USP24: variants seen among roughly 807,000 people sequenced by gnomAD.
USP24 encodes ubiquitin carboxyl-terminal hydrolase 24.
Under a neutral mutation model 361.6 loss-of-function variants are expected in USP24, and 97 were observed. That is an observed-to-expected ratio of 0.27 (90% CI 0.23 to 0.32). The LOEUF is 0.32. Ranked by LOEUF, USP24 falls within the 10% of genes least tolerant of loss-of-function variation. The probability of loss-of-function intolerance (pLI) is 1.00; values close to 1 mark genes in which losing one functional copy is unlikely to be tolerated. For missense variants in USP24, 2,353 were observed against 3,165.6 expected (o/e 0.74, Z 6.16); for synonymous variants, 1,098 against 1,124.6 (o/e 0.98, Z 0.47).
At position 55,125,306 on chromosome 1, in the gene USP24, C is replaced by T. The variant is rs1310223768; in HGVS notation, c.3960+14G>A. ...AAGAGGGACTAAAATGTCTTGAATACACAAATCACTTACTTGTATTGCAAC... is the reference window on the plus strand; with the variant it reads ...AAGAGGGACTAAAATGTCTTGAATATACAAATCACTTACTTGTATTGCAAC... On this transcript the variant is annotated intron_variant, in intron 34 of 67. Transcript: ENST00000294383. 1.9e-6 allele frequency: 3 copies of T among 1,610,620 alleles called. No homozygotes were observed. In the African/African-American group the frequency reaches 4.0e-5, roughly 22 times the overall value.
intron 24 of USP24, among the ~76,000 whole-genome samples, chr1:55,140,792 C>T (rs1400803688): frequency 6.6e-6 from 1 of 152,122 alleles, no homozygotes; most frequent in Non-Finnish European, 1.5e-5. Context: ...GAAATAATGA[C>T]GTGGTGTTGC....
chr1:55,122,995 G>C (rs1253518509), intron 36 of USP24, among the ~76,000 whole-genome samples: 1 of 152,056 alleles, frequency 6.6e-6, no homozygotes. Context: ...GAGATGATAG[G>C]ACCTGAGCCC....
rs1645246239 is a variant in USP24, at chr1:55,086,146, T to C, written c.6669-108A>G. Reference sequence around the variant, plus strand: ...GCCAAGAAACAAAAGTAGAGTCTCCTGACAGTGTTAGCGCTTATGGGCCAA... The same window carrying C: ...GCCAAGAAACAAAAGTAGAGTCTCCCGACAGTGTTAGCGCTTATGGGCCAA... On this transcript the variant is annotated intron_variant, in intron 55 of 67. Transcript: ENST00000294383. 4.7e-6 allele frequency: 5 copies of C among 1,074,442 alleles called. 1 individual carries two copies. In the Admixed American group the frequency reaches 9.7e-5, roughly 21 times the overall value. The allele number at this position is 1,074,442 out of a possible 1,614,324, so 66.6% of individuals were successfully genotyped here. A position where few individuals can be genotyped will look rare whatever the true frequency, so the allele number is the denominator to read the frequency against.
chr1:55,177,254 C>T (rs1650082715), intron 2 of USP24, among the ~76,000 whole-genome samples: 1 of 152,128 alleles, frequency 6.6e-6, no homozygotes, highest in Non-Finnish European at 1.5e-5. Flanking sequence ...TAAATACTTG[C>T]TAAGTTAATG....
At chr1:55,078,941 T>G (rs1037584176) in intron 60 of USP24, among the ~76,000 whole-genome samples, 3 of 135,166 alleles carry the variant, frequency 2.2e-5, no homozygotes, top group Non-Finnish European at 4.7e-5. Context: ...CCAAAAAATA[T>G]TAAGCAAAAA....
Position 55,137,672 on chromosome 1 carries a change from T to G in USP24, c.3044A>C (p.Asp1015Ala). 1 of 1,612,388 alleles carries G rather than the reference T, an allele frequency of 6.2e-7. No individual in the cohort carries two copies. The highest frequency in any genetic ancestry group is 2.2e-5 in the East Asian group (1 of 44,846). Residue 1015 changes from aspartate to alanine, a missense_variant, in exon 28 of 68, where the codon GAT becomes GCT. Coordinates refer to ENST00000294383, the MANE Select transcript of USP24 (RefSeq NM_015306.3). ...GCCCAGTTGGTGGAGTAGCTTTTGA[T>G]CTTTATTCACTGTCAGCTGCAAAAA... ...TNDSLLTVNK[D>A]QKLLHQLGFS...
At chr1:55,182,735 G>C (rs1370652962) in intron 1 of USP24, among the ~76,000 whole-genome samples, 1 of 151,660 alleles carries the variant, frequency 6.6e-6, no homozygotes, top group Admixed American at 6.6e-5. Flanking sequence ...TTTTTTTTGA[G>C]ACAGAGCCTC....
rs1031227139 is a variant in USP24 at position 55,068,964 on chromosome 1, A to C, written c.*81T>G. The C allele has an allele frequency of 2.5e-5, 37 of 1,485,770 alleles. No homozygotes were observed. Among genetic ancestry groups the C allele is most frequent in the Admixed American group, 5.1e-5 (3 of 58,824 alleles). 92.0% of individuals were successfully genotyped at this position (1,485,770 alleles called of 1,614,324 possible). A position where few individuals can be genotyped will look rare whatever the true frequency, so the allele number is the denominator to read the frequency against. ...CCAGTCCAATCTCCAGGCTCTTCCA[A>C]AGGGTTCGAGATTCTGATTCCAAGA... On this transcript the variant is annotated 3_prime_UTR_variant, in exon 68 of 68. Coordinates refer to ENST00000294383, the MANE Select transcript of USP24 (RefSeq NM_015306.3).
chr1:55,177,219 C>G (rs1475343994), intron 2 of USP24, among the ~76,000 whole-genome samples: 1 of 152,108 alleles, frequency 6.6e-6, no homozygotes, highest in African/African-American at 2.4e-5. Flanking sequence ...AGATTTGTGT[C>G]TGGCACAATT....
At chr1:55,072,018 T>A in intron 66 of USP24, 94 bp from the exon 67 acceptor site, 2 of 1,139,536 alleles carry the variant, frequency 1.8e-6, no homozygotes, top group South Asian at 2.7e-5. Context: ...TGACCTTCAG[T>A]GGGACCGGAG....
At chr1:55,208,217 A>T (rs1644759858) in intron 1 of USP24, among the ~76,000 whole-genome samples, 1 of 152,230 alleles carries the variant, frequency 6.6e-6, no homozygotes, top group Non-Finnish European at 1.5e-5. Context: ...GGAAGCTACC[A>T]ATGGTGGGAG....
At chr1:55,160,519 G>C (rs1648164178) in intron 8 of USP24, among the ~76,000 whole-genome samples, 1 of 152,204 alleles carries the variant, frequency 6.6e-6, no homozygotes, top group African/African-American at 2.4e-5. Context: ...AGTTAAATAA[G>C]AGTCTTCTGA....
At position 55,107,856 on chromosome 1, in the gene USP24, A is replaced by AAAAC. The variant is rs1553150243; in HGVS notation, c.4571-427_4571-426insGTTT. Among the ~76,000 whole-genome samples, 111 of 149,562 alleles carry AAAAC rather than the reference A, an allele frequency of 7.4e-4. 2 individuals are homozygous for AAAAC. The highest frequency in any genetic ancestry group is 1.2e-3 in the Non-Finnish European group (83 of 67,348). ...GACTCTGTCTCAAAAAAAAAAAAAAAAAAAAAAAAACACACAAAAACCCCA... is the reference window on the plus strand; with the variant it reads ...GACTCTGTCTCAAAAAAAAAAAAAAAAAACAAAAAAAAAACACACAAAAACCCCA... On this transcript the variant is annotated intron_variant, in intron 39 of 67. Transcript: ENST00000294383.
intron 55 of USP24, among the ~76,000 whole-genome samples, chr1:55,088,774 C>G (rs1183082588): frequency 6.6e-6 from 1 of 152,152 alleles, no homozygotes; most frequent in Non-Finnish European, 1.5e-5. Context: ...ACAAGAGAAG[C>G]TGACTTGATG....
chr1:55,214,939 C>A lies in USP24; in HGVS notation c.175G>T (p.Gly59Cys). 1 of 1,385,998 alleles carries A rather than the reference C, an allele frequency of 7.2e-7. No homozygotes were observed. Among genetic ancestry groups the A allele is most frequent in the Non-Finnish European group, 9.4e-7 (1 of 1,060,854 alleles). 85.9% of individuals were successfully genotyped at this position (1,385,998 alleles called of 1,614,324 possible). The change falls in exon 1 of 68, where the codon GGC (glycine) becomes TGC (cysteine). Residue 59 changes from glycine to cysteine, a missense_variant. By Grantham distance (159) the Gly-to-Cys change is radical (BLOSUM62 -3). Coordinates refer to ENST00000294383, the MANE Select transcript of USP24 (RefSeq NM_015306.3). Reference sequence around the variant, plus strand: ...CCGGGCCCGGGGCTGGGGCCACCGCCGCTGTCCATGGGCTCGTAGCCGCCG... The same window carrying A: ...CCGGGCCCGGGGCTGGGGCCACCGCAGCTGTCCATGGGCTCGTAGCCGCCG... ...DYGGYEPMDS[G>C]GGPSPGPGGG... is the part of the protein sequence containing the mutation.
chr1:55,176,584 G>A, intron 2 of USP24, 141 bp from the exon 3 acceptor site: 2 of 700,506 alleles, frequency 2.9e-6, no homozygotes, highest in Non-Finnish European at 4.6e-6. Context: ...CCATACATAT[G>A]GAACTATGTC....
intron 53 of USP24, among the ~76,000 whole-genome samples, 187 bp from the exon 54 acceptor site, chr1:55,092,313 A>G (rs1471171987): frequency 2.0e-5 from 3 of 152,226 alleles, no homozygotes; most frequent in Non-Finnish European, 4.4e-5. Flanking sequence ...AATTTTTAAA[A>G]AGGTTAAGAA....
At chr1:55,174,403 A>AG (rs1270601180) in intron 3 of USP24, among the ~76,000 whole-genome samples, 3 of 152,216 alleles carry the variant, frequency 2.0e-5, no homozygotes, top group Admixed American at 6.5e-5. Context: ...ATTGACGGGG[A>AG]GGAGAACCTT....
chr1:55,123,726 CAAG>C, intron 35 of USP24, 124 bp from the exon 36 acceptor site: 3 of 953,328 alleles, frequency 3.1e-6, no homozygotes, highest in Non-Finnish European at 4.3e-6. Context: ...CACTTAGGTC[CAAG>C]AAGCAAGAGA....
Sources: gnomAD v4.1 joint callset for allele counts (sites outside exome capture counted in the v4.1 genomes callset) on GRCh38, gnomAD v4.1.1 for gene constraint, MANE v1.5 for transcripts, NCBI Gene and HGNC (gene_info 2026-07-23, HGNC 2026-07-21) for gene names.